TUBGCP2: variants seen among roughly 807,000 people sequenced by gnomAD.
TUBGCP2 encodes the protein gamma-tubulin complex component 2.
A neutral mutation model predicts 92.2 loss-of-function variants in TUBGCP2; 55 were observed. The observed-to-expected ratio is 0.60, with a 90% CI of 0.48 to 0.75. TUBGCP2 has a LOEUF of 0.75. Ranked by LOEUF, TUBGCP2 falls within the 30% of genes least tolerant of loss-of-function variation. The pLI is 0.00. For synonymous variants in TUBGCP2, 533 were observed against 505.2 expected (o/e 1.06, Z -0.74); for missense variants, 1,093 against 1,188.9 (o/e 0.92, Z 1.19).
At chr10:133,294,023 A>G (rs1325303468) in intron 5 of TUBGCP2, among the ~76,000 whole-genome samples, 1 of 152,252 alleles carries the variant, frequency 6.6e-6, no homozygotes, top group Non-Finnish European at 1.5e-5. Context: ...CGCAATGCTC[A>G]GATACATGGC....
intron 2 of TUBGCP2, chr10:133,302,573 C>A: frequency 1.7e-6 from 1 of 588,272 alleles, no homozygotes; most frequent in South Asian, 2.0e-5. Flanking sequence ...TGGGTTCACC[C>A]TGCACCATCC....
rs758996700 is a variant in TUBGCP2, at chr10:133,298,006, T to C, written c.562A>G (p.Ile188Val). ...CCAGCACCAATCAGGAAATCCCCGATCAGGGCAGGTCTCTCATACACCCAT... is the reference window on the plus strand; with the variant it reads ...CCAGCACCAATCAGGAAATCCCCGACCAGGGCAGGTCTCTCATACACCCAT... The part of the protein sequence containing the change: ...PAWVYERPAL[I>V]GDFLIGAGIS... The change falls in exon 5 of 18, where the codon ATC becomes GTC. Residue 188 changes from isoleucine to valine, a missense_variant. Ile to Val is a conservative substitution (Grantham distance 29). This residue lies in a region of TUBGCP2 where 490 missense variants were observed against 488.5 expected (regional missense o/e 1.00). Coordinates refer to ENST00000252936, the MANE Select transcript of TUBGCP2 (RefSeq NM_006659.4). 1 of 1,614,038 alleles carries C rather than the reference T, an allele frequency of 6.2e-7. No individual in the cohort carries two copies. The highest frequency in any genetic ancestry group is 2.2e-5 in the East Asian group (1 of 44,892).
chr10:133,285,426 C>G lies in TUBGCP2; in HGVS notation c.1895+30G>C. ...GCTTCTGCCAAACCTGAGTGAAGAT[C>G]TGGCAGGTGCCCGAGCAGCCGACCC... On this transcript the variant is annotated intron_variant, in intron 12 of 17. Coordinates refer to ENST00000252936, the MANE Select transcript of TUBGCP2 (RefSeq NM_006659.4). This position sits in a 1 kb window ranked among gnomAD's most constrained non-coding sequence, Gnocchi z 6.8. 1.2e-6 allele frequency: 2 copies of G among 1,613,052 alleles called. No individual in the cohort carries two copies. The highest frequency in any genetic ancestry group is 1.7e-6 in the Non-Finnish European group (2 of 1,179,854).
chr10:133,309,026 C>T (rs1847913846), upstream of TUBGCP2: 5 of 1,262,554 alleles, frequency 4.0e-6, no homozygotes, highest in African/African-American at 1.5e-5. Flanking sequence ...CGGGATCCCG[C>T]GGCTGGGGCC....
upstream of TUBGCP2, chr10:133,311,827 G>T (rs1847996208): frequency 1.9e-6 from 3 of 1,613,264 alleles, no homozygotes; most frequent in African/African-American, 2.7e-5. Flanking sequence ...GTGAGAGGCG[G>T]ATCTACAGAC....
At chr10:133,309,434 G>A, upstream of TUBGCP2, 4 of 1,612,614 alleles carry the variant, frequency 2.5e-6, no homozygotes, top group Non-Finnish European at 3.4e-6. Flanking sequence ...ACGTGATCAT[G>A]CAGGTGGCCG....
rs1253083478 is a variant in TUBGCP2, at chr10:133,283,162, C to T, written c.2205G>A (p.Lys735=). Residue 735 remains lysine, a synonymous_variant, in exon 15 of 18, where the codon AAG becomes AAA. Coordinates refer to ENST00000252936, the MANE Select transcript of TUBGCP2 (RefSeq NM_006659.4). ...HHTGFLDTCL[K]DCMLTNPELL... Reference sequence around the variant, plus strand: ...GCTCGGGGTTGGTGAGCATGCAGTCCTTCAGGCAGGTGTCCAGGAAGCCTG... The same window carrying T: ...GCTCGGGGTTGGTGAGCATGCAGTCTTTCAGGCAGGTGTCCAGGAAGCCTG... 4 of 1,614,136 alleles carry T rather than the reference C, an allele frequency of 2.5e-6. No homozygotes were observed. The highest frequency in any genetic ancestry group is 3.4e-6 in the Non-Finnish European group (4 of 1,180,062).
At chr10:133,306,717 G>A (rs1275837537) in intron 1 of TUBGCP2, among the ~76,000 whole-genome samples, 1 of 152,192 alleles carries the variant, frequency 6.6e-6, no homozygotes, top group Non-Finnish European at 1.5e-5. Context: ...GAACCCGAGA[G>A]GCGGAGCTTG....
At position 133,282,211 on chromosome 10, in the gene TUBGCP2, G is replaced by C; in HGVS notation, c.2409+12C>G. 6.2e-7 allele frequency: 1 copy of C among 1,611,680 alleles called. No individual in the cohort carries two copies. On this transcript the variant is annotated intron_variant, in intron 16 of 17. Coordinates refer to ENST00000252936, the MANE Select transcript of TUBGCP2 (RefSeq NM_006659.4). ...AAGCGTCTCTCTCTGGCCAAACCTG[G>C]AGGCCACGCACCTTCCTGGCGAGCT...
At position 133,288,114 on chromosome 10, in the gene TUBGCP2, G is replaced by T. The variant is rs200628773; in HGVS notation, c.1722+15C>A. ...GCCTCTGCCACAGGGGACAGCCCCC[G>T]GCACCCCCACCCACCTTGAGGTCGT... On this transcript the variant is annotated intron_variant, in intron 11 of 17. Transcript: ENST00000252936. 78 of 1,603,446 alleles carry T rather than the reference G, an allele frequency of 4.9e-5. 1 individual carries two copies. In the South Asian group the frequency reaches 7.7e-4, roughly 16 times the overall value.
At chr10:133,281,127 A>G (rs1179405073) in intron 17 of TUBGCP2, 146 bp downstream of exon 17, 1 of 334,700 alleles carries the variant, frequency 3.0e-6, no homozygotes, top group Admixed American at 5.0e-5. Context: ...GGGACGGCTG[A>G]GCAGGGACAG....
chr10:133,291,899 GTC>G (rs1564939523), intron 8 of TUBGCP2, among the ~76,000 whole-genome samples: 42 of 2,400 alleles, frequency 0.018, 16 homozygotes, highest in South Asian at 0.071. Context: ...AGCATGCACC[GTC>G]CGTGTCCCCC....
upstream of TUBGCP2, chr10:133,309,864 G>A (rs1057353840): frequency 5.0e-6 from 8 of 1,613,796 alleles, no homozygotes; most frequent in South Asian, 4.4e-5. Flanking sequence ...CACGCTGCAC[G>A]GAAATGTTTG....
At chr10:133,290,380 C>T (rs1369154468) in intron 8 of TUBGCP2, 1 of 164,158 alleles carries the variant, frequency 6.1e-6, no homozygotes, top group Non-Finnish European at 1.3e-5. Context: ...GTAGTCCCAG[C>T]TACTTGGGAG....
chr10:133,304,614 C>T (rs548118003), intron 1 of TUBGCP2, among the ~76,000 whole-genome samples: 1 of 152,010 alleles, frequency 6.6e-6, no homozygotes, highest in Non-Finnish European at 1.5e-5. Flanking sequence ...ACCCAGGTGC[C>T]GAGGCAAGAG....
upstream of TUBGCP2, chr10:133,312,115 T>G: frequency 6.9e-7 from 1 of 1,441,470 alleles, no homozygotes; most frequent in Non-Finnish European, 9.1e-7. Context: ...GGAAAGAGTC[T>G]CACTTGCAGT....
rs1589822075 is a variant in TUBGCP2 at position 133,283,866 on chromosome 10, T to G, written c.2145+16A>C. 1.2e-6 allele frequency: 2 copies of G among 1,613,140 alleles called. No homozygotes were observed. The highest frequency in any genetic ancestry group is 1.7e-6 in the Non-Finnish European group (2 of 1,179,452). On this transcript the variant is annotated intron_variant, in intron 14 of 17. Coordinates refer to ENST00000252936, the MANE Select transcript of TUBGCP2 (RefSeq NM_006659.4). ...AGTGGCTTTCAAACGTTATTATCTG[T>G]GGAGCTAAAACTCACGGATTTCAGG...
chr10:133,305,284 G>A (rs1847781854), intron 1 of TUBGCP2, among the ~76,000 whole-genome samples: 1 of 152,218 alleles, frequency 6.6e-6, no homozygotes. Context: ...AATGACATAA[G>A]CTGTCCTCTC....
At chr10:133,281,668 T>C in intron 16 of TUBGCP2, 1 of 585,514 alleles carries the variant, frequency 1.7e-6, no homozygotes. Flanking sequence ...GTGGTCACTC[T>C]CCTTTGGGGT....
Sources: allele counts gnomAD v4.1 joint callset (sites outside exome capture counted in the v4.1 genomes callset), GRCh38; gene constraint gnomAD v4.1.1; regional missense constraint gnomAD v4.1.1; non-coding constraint Gnocchi (gnomAD v3.1); transcripts MANE v1.5; gene names NCBI Gene and HGNC (gene_info 2026-07-23, HGNC 2026-07-21).